TNR: variants seen among roughly 807,000 people sequenced by gnomAD.
TNR encodes tenascin R, also known as tenascin-R.
A neutral mutation model predicts 150.4 loss-of-function variants in TNR; 45 were observed. The ratio of observed to expected loss-of-function variants is 0.30; its 90% CI spans 0.24 to 0.38. The LOEUF is 0.38. TNR is among the 10% of genes least tolerant of loss of function. TNR has a pLI of 1.00. For synonymous variants in TNR, 687 were observed against 678.4 expected (o/e 1.01, Z -0.20); for missense variants, 1,544 against 1,759.1 (o/e 0.88, Z 2.19).
At chr1:175,523,824 G>T (rs1403202548) in intron 2 of TNR, among the ~76,000 whole-genome samples, 1 of 152,100 alleles carries the variant, frequency 6.6e-6, no homozygotes, top group Non-Finnish European at 1.5e-5. Context: ...GCAAGAAAGG[G>T]TTAAAGTTTC....
At position 175,356,364 on chromosome 1, in the gene TNR, T is replaced by G; in HGVS notation, c.3073A>C (p.Asn1025His). 1.2e-6 allele frequency: 2 copies of G among 1,614,004 alleles called. No individual in the cohort carries two copies. Among genetic ancestry groups the G allele is most frequent in the East Asian group, 2.2e-5 (1 of 44,870 alleles). Residue 1025 changes from asparagine to histidine, a missense_variant, in exon 16 of 23, where the codon AAT becomes CAT. Asn to His is a moderately conservative substitution (Grantham distance 68). Coordinates refer to ENST00000367674, the MANE Select transcript of TNR (RefSeq NM_003285.3). ...ATGGTGCCACTGGTGAGAGGTCCAT[T>G]GGTGGCATACATGGTGGCAGTATAG... ...THYTATMYAT[N>H]GPLTSGTIST...
At chr1:175,403,950 G>GA (rs1408905356) in intron 3 of TNR, among the ~76,000 whole-genome samples, 4 of 152,114 alleles carry the variant, frequency 2.6e-5, no homozygotes, top group South Asian at 2.1e-4. Flanking sequence ...GGTGTTCCCA[G>GA]AAAAAACTGG....
chr1:175,432,296 T>C (rs1445541900), intron 2 of TNR, among the ~76,000 whole-genome samples: 1 of 152,048 alleles, frequency 6.6e-6, no homozygotes, highest in Non-Finnish European at 1.5e-5. Flanking sequence ...ACCTGACTGG[T>C]CCCATTTTCT....
intron 1 of TNR, among the ~76,000 whole-genome samples, chr1:175,695,282 G>C (rs796642896): frequency 6.6e-6 from 1 of 152,158 alleles, no homozygotes; most frequent in Non-Finnish European, 1.5e-5. Context: ...GAAGCCTCCT[G>C]CCCACAGCCG....
chr1:175,405,582 T>C (rs141188628), intron 3 of TNR, among the ~76,000 whole-genome samples: 1 of 151,056 alleles, frequency 6.6e-6, no homozygotes, highest in Non-Finnish European at 1.5e-5. Flanking sequence ...AGCATGCGTG[T>C]GTGCATGCGT....
At chr1:175,733,524 T>A (rs1445237018) in intron 1 of TNR, among the ~76,000 whole-genome samples, 2 of 152,088 alleles carry the variant, frequency 1.3e-5, no homozygotes, top group African/African-American at 2.4e-5. Context: ...CCTGAGTTTC[T>A]CATTCTCACT....
chr1:175,397,185 C>A (rs1259847190), intron 4 of TNR, among the ~76,000 whole-genome samples: 1 of 152,198 alleles, frequency 6.6e-6, no homozygotes, highest in African/African-American at 2.4e-5. Context: ...TTATCACTCT[C>A]AAATTATTTG....
At chr1:175,538,219 G>A (rs1239993360) in intron 1 of TNR, among the ~76,000 whole-genome samples, 9 of 152,098 alleles carry the variant, frequency 5.9e-5, no homozygotes, top group Admixed American at 5.9e-4. Flanking sequence ...AATGGGAAGG[G>A]GAGGTACAAG....
chr1:175,395,825 T>C (rs907912499), intron 5 of TNR, among the ~76,000 whole-genome samples: 1 of 152,268 alleles, frequency 6.6e-6, no homozygotes, highest in Admixed American at 6.5e-5. Flanking sequence ...TAATCTTTTA[T>C]ATTTTTCTAT....
intron 2 of TNR, among the ~76,000 whole-genome samples, chr1:175,519,896 A>G (rs1659566049): frequency 6.6e-6 from 1 of 152,158 alleles, no homozygotes; most frequent in Admixed American, 6.5e-5. Context: ...GTCTTGGATA[A>G]ATCATTCAGG....
At chr1:175,555,920 A>G (rs1235644976) in intron 1 of TNR, among the ~76,000 whole-genome samples, 1 of 152,166 alleles carries the variant, frequency 6.6e-6, no homozygotes, top group Admixed American at 6.5e-5. Context: ...CTTTACATGA[A>G]TCTGTTGTTC....
At chr1:175,382,840 G>T (rs570784783) in intron 8 of TNR, among the ~76,000 whole-genome samples, 1 of 151,772 alleles carries the variant, frequency 6.6e-6, no homozygotes, top group African/African-American at 2.4e-5. Flanking sequence ...GGCGGAGGTT[G>T]CAGTGAGCTG....
chr1:175,709,422 G>T (rs1666938593), intron 1 of TNR, among the ~76,000 whole-genome samples: 1 of 151,882 alleles, frequency 6.6e-6, no homozygotes, highest in South Asian at 2.1e-4. Context: ...TCAAACATAA[G>T]ACCAAAGTTC....
chr1:175,329,448 A>C (rs548706259), intron 21 of TNR, among the ~76,000 whole-genome samples: 2 of 152,338 alleles, frequency 1.3e-5, no homozygotes, highest in African/African-American at 4.8e-5. Flanking sequence ...TCTACACAGA[A>C]AACCTGACCG....
chr1:175,371,495 T>C (rs887007933), intron 9 of TNR, among the ~76,000 whole-genome samples: 2 of 152,150 alleles, frequency 1.3e-5, no homozygotes, highest in African/African-American at 4.8e-5. Context: ...GAATCTGTGC[T>C]AAAAAAGTAA....
At chr1:175,722,692 T>C (rs1048767445) in intron 1 of TNR, among the ~76,000 whole-genome samples, 2 of 152,142 alleles carry the variant, frequency 1.3e-5, no homozygotes, top group African/African-American at 4.8e-5. Context: ...CTTGAACTCC[T>C]GAGCTCAAGC....
At chr1:175,511,126 G>A (rs1270951052) in intron 2 of TNR, among the ~76,000 whole-genome samples, 2 of 152,112 alleles carry the variant, frequency 1.3e-5, no homozygotes, top group Non-Finnish European at 2.9e-5. Context: ...CTCTAAGTTG[G>A]GACTCCCTGG....
intron 1 of TNR, among the ~76,000 whole-genome samples, chr1:175,727,976 A>C (rs1486670351): frequency 6.6e-6 from 1 of 152,240 alleles, no homozygotes; most frequent in African/African-American, 2.4e-5. Context: ...TCTAGTATTC[A>C]TTTGGGAATT....
intron 1 of TNR, among the ~76,000 whole-genome samples, chr1:175,577,838 G>C (rs1450095916): frequency 6.6e-6 from 1 of 152,192 alleles, no homozygotes; most frequent in Non-Finnish European, 1.5e-5. Flanking sequence ...TATTAGAAAT[G>C]AGTTTCACAT....
Sources: allele counts gnomAD v4.1 joint callset (sites outside exome capture counted in the v4.1 genomes callset), GRCh38; gene constraint gnomAD v4.1.1; transcripts MANE v1.5; gene names NCBI Gene and HGNC (gene_info 2026-07-23, HGNC 2026-07-21).